The following SUMF1 variants were observed in gnomAD, a reference collection of about 807,000 sequenced individuals.
SUMF1 encodes the protein sulfatase modifying factor 1.
In SUMF1, 48 loss-of-function variants were observed where a neutral mutation model predicts 47.6. The observed-to-expected ratio is 1.01, with a 90% confidence interval of 0.80 to 1.28. The LOEUF (loss-of-function observed/expected upper bound fraction) is 1.28, where lower values mean the gene tolerates loss of function less well. Among genes scored for constraint, SUMF1 ranks in the 50% most tolerant of loss-of-function variants. The pLI, the probability that SUMF1 is intolerant of heterozygous loss-of-function variation, is 0.00. For synonymous variants in SUMF1, 230 were observed against 192.1 expected (o/e 1.20, Z -1.63); for missense variants, 571 against 485.4 (o/e 1.18, Z -1.66).
At chr3:4,204,115 G>A (rs1695600080) in intron 8 of SUMF1, among the ~76,000 whole-genome samples, 1 of 151,972 alleles carries the variant, frequency 6.6e-6, no homozygotes, top group Non-Finnish European at 1.5e-5. Flanking sequence ...CTCATTAATG[G>A]TCTTTTCCTT....
chr3:4,305,151 G>A (rs776286163), intron 8 of SUMF1, among the ~76,000 whole-genome samples: 34 of 151,980 alleles, frequency 2.2e-4, no homozygotes, highest in Non-Finnish European at 3.2e-4. Context: ...GTGGTGGTGC[G>A]ATCAGCTCAC....
chr3:4,427,930 G>A (rs1349763047), intron 3 of SUMF1, among the ~76,000 whole-genome samples: 1 of 152,112 alleles, frequency 6.6e-6, no homozygotes, highest in African/African-American at 2.4e-5. Context: ...TATCAGGGCA[G>A]GGGGAACTGA....
At chr3:4,293,628 T>G (rs759080491) in intron 8 of SUMF1, among the ~76,000 whole-genome samples, 30 of 152,176 alleles carry the variant, frequency 2.0e-4, no homozygotes, top group Non-Finnish European at 7.4e-5. Context: ...GTAATAACAT[T>G]CGAATGTCAC....
intron 8 of SUMF1, among the ~76,000 whole-genome samples, chr3:4,153,371 G>T (rs1022394175): frequency 6.6e-6 from 1 of 151,150 alleles, no homozygotes; most frequent in Non-Finnish European, 1.5e-5. Flanking sequence ...CCACTATGCC[G>T]AGCTAATTTT....
At chr3:4,396,791 A>G (rs974759972) in intron 7 of SUMF1, among the ~76,000 whole-genome samples, 1 of 152,170 alleles carries the variant, frequency 6.6e-6, no homozygotes, top group Non-Finnish European at 1.5e-5. Context: ...AAGGAGAGAG[A>G]GTAGAAAAAA....
At chr3:4,053,479 C>T (rs1274229578) in intron 9 of SUMF1, among the ~76,000 whole-genome samples, 1 of 152,066 alleles carries the variant, frequency 6.6e-6, no homozygotes, top group East Asian at 1.9e-4. Flanking sequence ...GCAAGGTTGC[C>T]ACAAACCTTC....
chr3:4,390,761 T>C (rs1700836496), intron 7 of SUMF1, among the ~76,000 whole-genome samples: 1 of 152,154 alleles, frequency 6.6e-6, no homozygotes. Flanking sequence ...TTTTGTATTT[T>C]TTATAGAGAC....
chr3:4,202,763 G>A (rs1349918097), intron 8 of SUMF1, among the ~76,000 whole-genome samples: 1 of 151,690 alleles, frequency 6.6e-6, no homozygotes, highest in Non-Finnish European at 1.5e-5. Context: ...CATCAGTTTT[G>A]GTATGTTGTA....
intron 8 of SUMF1, among the ~76,000 whole-genome samples, chr3:4,330,138 A>C (rs1055054903): frequency 6.6e-6 from 1 of 152,200 alleles, no homozygotes; most frequent in Non-Finnish European, 1.5e-5. Flanking sequence ...TTTTGGTCAA[A>C]GCCATTCAAC....
At chr3:4,316,709 A>T (rs1241750442) in intron 8 of SUMF1, 2 of 1,551,036 alleles carry the variant, frequency 1.3e-6, no homozygotes, top group Admixed American at 2.0e-5. Context: ...ACAACCGGCG[A>T]CGATCAGCTC....
chr3:4,355,438 T>A (rs886664226), intron 8 of SUMF1, among the ~76,000 whole-genome samples: 1 of 152,122 alleles, frequency 6.6e-6, no homozygotes, highest in East Asian at 1.9e-4. Flanking sequence ...ATAAATAAAA[T>A]CTTATTTGGC....
intron 7 of SUMF1, among the ~76,000 whole-genome samples, chr3:4,409,174 G>C (rs1265267011): frequency 6.6e-6 from 1 of 152,064 alleles, no homozygotes; most frequent in Non-Finnish European, 1.5e-5. Flanking sequence ...ACCCAGATGA[G>C]GGATGATCAT....
intron 8 of SUMF1, among the ~76,000 whole-genome samples, chr3:4,148,104 A>C (rs1029384711): frequency 6.6e-6 from 1 of 152,196 alleles, no homozygotes; most frequent in African/African-American, 2.4e-5. Context: ...ACATAGGTAT[A>C]GCTCCTACCC....
chr3:4,301,216 A>G (rs1697956390), intron 8 of SUMF1, among the ~76,000 whole-genome samples: 1 of 152,324 alleles, frequency 6.6e-6, no homozygotes, highest in East Asian at 1.9e-4. Flanking sequence ...GGGTAAAGGC[A>G]CTGGAGATAC....
intron 8 of SUMF1, among the ~76,000 whole-genome samples, chr3:4,279,858 A>G (rs938293878): frequency 6.6e-6 from 1 of 152,218 alleles, no homozygotes; most frequent in African/African-American, 2.4e-5. Context: ...CAGATGGCAT[A>G]CACACCAAAA....
At chr3:4,104,469 A>G (rs111351675) in intron 8 of SUMF1, among the ~76,000 whole-genome samples, 3,137 of 152,140 alleles carry the variant, frequency 0.021, 64 homozygotes, top group Non-Finnish European at 0.032. Context: ...CCAACAGGTG[A>G]TCTGTGGAGC....
intron 8 of SUMF1, among the ~76,000 whole-genome samples, chr3:4,129,911 C>T (rs1693745791): frequency 6.6e-6 from 1 of 152,108 alleles, no homozygotes; most frequent in Non-Finnish European, 1.5e-5. Context: ...TTGGCACAAA[C>T]ATACTTAGCA....
rs539093000 is a variant in SUMF1 at position 4,110,512 on chromosome 3, T to C, written c.1015-41767A>G. On this transcript the variant is annotated intron_variant and NMD_transcript_variant, in intron 8 of 12. Coordinates refer to the SUMF1 transcript ENST00000448413. ...TACTGGGTATATACCCAAAGGATTA[T>C]AAATCATGCTGCTATAAAGACACAT... is the stretch of plus-strand genomic sequence containing the variant. Among the ~76,000 whole-genome samples the C allele has an allele frequency of 2.0e-5, 3 of 152,196 alleles. No individual in the cohort carries two copies. The South Asian group carries it at 6.2e-4, about 32-fold the overall frequency.
At chr3:4,114,241 TA>T (rs1240502187) in intron 8 of SUMF1, among the ~76,000 whole-genome samples, 2 of 152,184 alleles carry the variant, frequency 1.3e-5, no homozygotes, top group South Asian at 2.1e-4. Context: ...AGTTTTTGAG[TA>T]AGGTACCATG....
Sources: gnomAD v4.1 joint callset for allele counts (sites outside exome capture counted in the v4.1 genomes callset) on GRCh38, gnomAD v4.1.1 for gene constraint, MANE v1.5 for transcripts, NCBI Gene and HGNC (gene_info 2026-07-23, HGNC 2026-07-21) for gene names.